GRM7: variants seen among roughly 807,000 people sequenced by gnomAD.
GRM7 encodes glutamate metabotropic receptor 7, also known as metabotropic glutamate receptor 7.
GRM7 carries 35 observed loss-of-function variants against 84.5 expected under a neutral mutation model. The ratio of observed to expected loss-of-function variants is 0.41; its 90% confidence interval spans 0.32 to 0.55. The LOEUF is 0.55. Among genes scored for constraint, GRM7 ranks in the 20% least tolerant of loss-of-function variants. GRM7 has a pLI of 0.19. For synonymous variants in GRM7, 487 were observed against 455.1 expected, an observed-to-expected ratio of 1.07 and a Z score of -0.89; for missense variants, 1,003 against 1,194.6, an observed-to-expected ratio of 0.84 and a Z score of 2.36.
At chr3:7,307,216 G>T (rs755577750) in intron 4 of GRM7, among the ~76,000 whole-genome samples, 21 of 152,028 alleles carry the variant, frequency 1.4e-4, no homozygotes, top group Non-Finnish European at 2.1e-4. Flanking sequence ...TGCCTTCCTT[G>T]CTACTGCAAA....
intron 7 of GRM7, among the ~76,000 whole-genome samples, chr3:7,544,255 G>C (rs758079028): frequency 6.6e-6 from 1 of 152,262 alleles, no homozygotes. Context: ...CTCGAACTCC[G>C]GGGCTCAAGG....
chr3:7,248,941 G>A (rs1018274685), intron 2 of GRM7, among the ~76,000 whole-genome samples: 2 of 152,022 alleles, frequency 1.3e-5, no homozygotes, highest in Non-Finnish European at 2.9e-5. Flanking sequence ...AGAATAGTTT[G>A]TTAAAGAGTA....
chr3:6,919,786 A>G (rs574509672), intron 1 of GRM7, among the ~76,000 whole-genome samples: 1 of 152,268 alleles, frequency 6.6e-6, no homozygotes, highest in African/African-American at 2.4e-5. Context: ...TTGATATTAT[A>G]TTTAACCATG....
intron 2 of GRM7, among the ~76,000 whole-genome samples, chr3:7,149,399 G>A (rs1046827865): frequency 6.6e-6 from 1 of 152,020 alleles, no homozygotes; most frequent in African/African-American, 2.4e-5. Context: ...TTCCTCTGAT[G>A]TTCAATTGAA....
intron 4 of GRM7, among the ~76,000 whole-genome samples, chr3:7,407,253 C>A (rs1333494231): frequency 6.6e-6 from 1 of 152,168 alleles, no homozygotes; most frequent in Admixed American, 6.5e-5. Context: ...CCTGTGGAAG[C>A]AGCCTGTGGC....
At chr3:7,211,362 T>C (rs1280177792) in intron 2 of GRM7, among the ~76,000 whole-genome samples, 1 of 152,182 alleles carries the variant, frequency 6.6e-6, no homozygotes, top group Admixed American at 6.5e-5. Flanking sequence ...CCAAAATGTG[T>C]ACCTTTAATA....
At chr3:7,252,458 G>A (rs1276267792) in intron 2 of GRM7, among the ~76,000 whole-genome samples, 1 of 152,134 alleles carries the variant, frequency 6.6e-6, no homozygotes, top group East Asian at 1.9e-4. Context: ...CTTTTCTGAT[G>A]CTCACGGTCC....
At chr3:7,346,022 G>A (rs1447831467) in intron 4 of GRM7, among the ~76,000 whole-genome samples, 1 of 152,060 alleles carries the variant, frequency 6.6e-6, no homozygotes, top group Admixed American at 6.6e-5. Context: ...ATTTCAGATT[G>A]CAAATGGTGC....
At chr3:7,399,179 C>CAATAATAAT (rs146619960) in intron 4 of GRM7, among the ~76,000 whole-genome samples, 52 of 146,270 alleles carry the variant, frequency 3.6e-4, no homozygotes, top group African/African-American at 1.0e-3. Flanking sequence ...ACAACAAGAA[C>CAATAATAAT]AATAATAATA....
At chr3:7,706,876 G>T (rs57396568) in intron 9 of GRM7, among the ~76,000 whole-genome samples, 1 of 152,042 alleles carries the variant, frequency 6.6e-6, no homozygotes, top group Non-Finnish European at 1.5e-5. Context: ...ACCCTAAATC[G>T]CATGGTCACT....
intron 7 of GRM7, among the ~76,000 whole-genome samples, chr3:7,506,147 C>T (rs1700033741): frequency 6.6e-6 from 1 of 152,122 alleles, no homozygotes. Context: ...TAAATTCTGC[C>T]TTCTATAAAA....
intron 7 of GRM7, among the ~76,000 whole-genome samples, chr3:7,492,281 A>G (rs1699548533): frequency 2.0e-5 from 3 of 152,170 alleles, no homozygotes; most frequent in Non-Finnish European, 2.9e-5. Context: ...CAAAATTGGT[A>G]TTAATTCTTA....
intron 7 of GRM7, among the ~76,000 whole-genome samples, chr3:7,519,268 A>C (rs2124988205): frequency 6.6e-6 from 1 of 152,256 alleles, no homozygotes; most frequent in African/African-American, 2.4e-5. Flanking sequence ...AGGCTGAGGC[A>C]GGAGAATCGC....
At chr3:7,535,343 G>A (rs987676826) in intron 7 of GRM7, 1 of 152,266 alleles carries the variant, frequency 6.6e-6, no homozygotes, top group East Asian at 1.9e-4. Flanking sequence ...GGAACAGATA[G>A]GGGAAATAAT....
chr3:6,967,745 A>T (rs1693584721), intron 1 of GRM7, among the ~76,000 whole-genome samples: 1 of 152,156 alleles, frequency 6.6e-6, no homozygotes, highest in Non-Finnish European at 1.5e-5. Context: ...GCTGAACCTC[A>T]GTGCTTTATT....
intron 2 of GRM7, among the ~76,000 whole-genome samples, chr3:7,293,098 T>C (rs1699693423): frequency 2.0e-5 from 3 of 151,774 alleles, no homozygotes; most frequent in African/African-American, 7.3e-5. Context: ...CTAAATAAAA[T>C]TGGCATATCT....
chr3:7,657,292 A>T (rs886892829), intron 8 of GRM7, among the ~76,000 whole-genome samples: 2 of 152,192 alleles, frequency 1.3e-5, no homozygotes, highest in Non-Finnish European at 2.9e-5. Flanking sequence ...GATAAATGGT[A>T]ATTATTTGAG....
intron 1 of GRM7, among the ~76,000 whole-genome samples, chr3:6,947,179 G>T (rs1294399748): frequency 6.6e-6 from 1 of 152,134 alleles, no homozygotes; most frequent in Non-Finnish European, 1.5e-5. Flanking sequence ...GTATGATATT[G>T]GCTGTGGGTT....
chr3:7,087,496 A>G (rs1394508062), intron 1 of GRM7, among the ~76,000 whole-genome samples: 1 of 152,122 alleles, frequency 6.6e-6, no homozygotes, highest in African/African-American at 2.4e-5. Context: ...CTGAAAGAAA[A>G]TAACTTTCAG....
Sources: gnomAD v4.1 joint callset for allele counts (sites outside exome capture counted in the v4.1 genomes callset) on GRCh38, gnomAD v4.1.1 for gene constraint, MANE v1.5 for transcripts, NCBI Gene and HGNC (gene_info 2026-07-23, HGNC 2026-07-21) for gene names.